Variants in ETS1 observed in about 807,000 individuals in gnomAD.
ETS1 encodes the protein ETS proto-oncogene 1, transcription factor.
Under a neutral mutation model 58.6 loss-of-function variants are expected in ETS1, and 15 were observed. That is an observed-to-expected ratio of 0.26 (90% confidence interval 0.17 to 0.39). The LOEUF is 0.39. Ranked by LOEUF, ETS1 falls within the 10% of genes least tolerant of loss-of-function variation. The probability of loss-of-function intolerance (pLI) is 1.00; values close to 1 mark genes in which losing one functional copy is unlikely to be tolerated. For synonymous variants in ETS1, 214 were observed against 218.2 expected, an observed-to-expected ratio of 0.98 and a Z score of 0.17; for missense variants, 417 against 610.5, an observed-to-expected ratio of 0.68 and a Z score of 3.34.
At chr11:128,531,463 G>A (rs73030729) in intron 3 of ETS1, among the ~76,000 whole-genome samples, 43,870 of 152,066 alleles carry the variant, frequency 0.29, 7,159 homozygotes, top group Middle Eastern at 0.43. Flanking sequence ...CCAAACTGTA[G>A]TATATAGTAT....
At position 128,509,893 on chromosome 11, in the gene ETS1, AG is replaced by A. The variant is rs369586588; in HGVS notation, c.215-19318del. On this transcript the variant is annotated intron_variant, in intron 3 of 9. Coordinates refer to ENST00000392668, the MANE Select transcript of ETS1 (RefSeq NM_001143820.2). ...ATGGGAATTAAGGCATCAACCTCAA[AG>A]GGTTGTTTAAAGAATGTGATTATGT... 5.7e-3 allele frequency among the ~76,000 whole-genome samples: 872 copies of A among 152,316 alleles called. 4 individuals are homozygous for A. The highest frequency in any genetic ancestry group is 0.016 in the African/African-American group (685 of 41,562).
intron 3 of ETS1, among the ~76,000 whole-genome samples, chr11:128,550,655 C>T (rs1208136470): frequency 1.3e-5 from 2 of 152,156 alleles, no homozygotes; most frequent in African/African-American, 4.8e-5. Context: ...CAGCTAGGCC[C>T]CAACCTCGGC....
chr11:128,484,832 T>C lies in ETS1; in HGVS notation c.853A>G (p.Thr285Ala). 1 of 1,613,844 alleles carries C rather than the reference T, an allele frequency of 6.2e-7. No homozygotes were observed. The highest frequency in any genetic ancestry group is 8.5e-7 in the Non-Finnish European group (1 of 1,179,778). ...AAGAAATATGACCTACCACGACTGG[T>C]CCTCCCCATGCACATGTTGTCTGGG... is the stretch of plus-strand genomic sequence containing the variant. The part of the protein sequence containing the change: ...VTPDNMCMGR[T>A]SRGKLGGQDS... The change falls in exon 7 of 10, where the codon ACC (threonine) becomes GCC (alanine). Residue 285 changes from threonine to alanine, a missense_variant. Physicochemically the swap from Thr to Ala is moderately conservative, Grantham distance 58. Around this residue, in one of 4 missense-constraint regions of ETS1, gnomAD observed 139 missense variants for 152.1 expected, o/e 0.91. Transcript: ENST00000392668.
At chr11:128,523,979 A>G (rs1458494271) in intron 3 of ETS1, among the ~76,000 whole-genome samples, 2 of 152,174 alleles carry the variant, frequency 1.3e-5, no homozygotes, top group African/African-American at 2.4e-5. Context: ...TCAGGAGAAG[A>G]AGTGAACAAA....
chr11:128,480,122 G>A, intron 8 of ETS1, 69 bp downstream of exon 8: 1 of 1,582,370 alleles, frequency 6.3e-7, no homozygotes. Flanking sequence ...GAGGTGCAGA[G>A]TGCCTTCCAG....
intron 8 of ETS1, among the ~76,000 whole-genome samples, chr11:128,473,957 C>T (rs1862255399): frequency 1.3e-5 from 2 of 152,328 alleles, no homozygotes; most frequent in South Asian, 2.1e-4. Context: ...CTGCATTCTG[C>T]TCAGTGGAAA....
intron 1 of ETS1, among the ~76,000 whole-genome samples, chr11:128,576,762 T>C (rs1203439500): frequency 6.6e-6 from 1 of 151,870 alleles, no homozygotes; most frequent in Non-Finnish European, 1.5e-5. Context: ...CTCTGTTGTT[T>C]TCTTAGGCAC....
intron 3 of ETS1, among the ~76,000 whole-genome samples, chr11:128,542,407 G>A (rs1864070320): frequency 6.6e-6 from 1 of 152,134 alleles, no homozygotes; most frequent in Non-Finnish European, 1.5e-5. Flanking sequence ...GACTTTAGAA[G>A]ATTATTGGAT....
At chr11:128,577,732 C>T (rs764130299) in intron 1 of ETS1, among the ~76,000 whole-genome samples, 1 of 152,154 alleles carries the variant, frequency 6.6e-6, no homozygotes, top group East Asian at 1.9e-4. Context: ...TGTTACCCAG[C>T]GTCCAAATCA....
rs535815822 is a variant in ETS1 at position 128,460,063 on chromosome 11, T to C, written c.*2298A>G. The C allele has an allele frequency of 3.7e-5, 5 of 136,578 alleles. No individual in the cohort carries two copies. The South Asian group carries it at 1.3e-3, about 34-fold the overall frequency. 8.5% of individuals were successfully genotyped at this position (136,578 alleles called of 1,614,324 possible). ...GTATTATTTCAGCTGCAGTTTTGCA[T>C]GTCTGCAAACACACACACACACACA... On this transcript the variant is annotated 3_prime_UTR_variant, in exon 10 of 10. Transcript: ENST00000392668.
chr11:128,577,016 C>T (rs976037891), intron 1 of ETS1, among the ~76,000 whole-genome samples: 1 of 152,192 alleles, frequency 6.6e-6, no homozygotes, highest in Non-Finnish European at 1.5e-5. Flanking sequence ...CCATCTGCTT[C>T]TGTTTGTCTC....
chr11:128,500,773 C>T (rs73030703), intron 3 of ETS1, among the ~76,000 whole-genome samples: 211 of 152,286 alleles, frequency 1.4e-3, no homozygotes, highest in Non-Finnish European at 2.7e-3. Context: ...TGAAGCAACA[C>T]AGTATGCGTG....
intron 8 of ETS1, among the ~76,000 whole-genome samples, chr11:128,478,006 A>G (rs976051260): frequency 6.6e-6 from 1 of 152,210 alleles, no homozygotes; most frequent in African/African-American, 2.4e-5. Flanking sequence ...ACAGTGTGTT[A>G]GAGTTGGGAG....
At chr11:128,545,464 A>T (rs11221343) in intron 3 of ETS1, among the ~76,000 whole-genome samples, 1 of 152,182 alleles carries the variant, frequency 6.6e-6, no homozygotes, top group Non-Finnish European at 1.5e-5. Context: ...TTCTTTGGGG[A>T]GGTAAGTTGA....
intron 2 of ETS1, among the ~76,000 whole-genome samples, chr11:128,567,729 T>C (rs768969983): frequency 6.6e-6 from 1 of 152,068 alleles, no homozygotes; most frequent in Non-Finnish European, 1.5e-5. Flanking sequence ...GCCTCCTGGG[T>C]TCAAGCGATT....
chr11:128,487,467 G>T (rs551407454), intron 5 of ETS1, among the ~76,000 whole-genome samples: 1 of 152,148 alleles, frequency 6.6e-6, no homozygotes, highest in African/African-American at 2.4e-5. Context: ...GAGGGCAGGC[G>T]CGGTGGCTCA....
intron 2 of ETS1, among the ~76,000 whole-genome samples, chr11:128,559,965 A>G (rs1248581135): frequency 3.3e-5 from 5 of 152,226 alleles, no homozygotes; most frequent in African/African-American, 1.2e-4. Flanking sequence ...ACAAGATGCA[A>G]GCAACACTCC....
intron 1 of ETS1, among the ~76,000 whole-genome samples, chr11:128,585,060 G>A (rs1367259247): frequency 4.7e-5 from 1 of 21,148 alleles, no homozygotes; most frequent in Admixed American, 4.9e-4. Flanking sequence ...AAGAAAGAAA[G>A]AAAGAAAGAA....
intron 3 of ETS1, 109 bp downstream of exon 3, chr11:128,556,182 T>C (rs2135557468): frequency 2.1e-6 from 2 of 954,174 alleles, no homozygotes; most frequent in Non-Finnish European, 3.1e-6. Flanking sequence ...CAATAGCATC[T>C]GTACCCGCAT....
Sources: allele counts gnomAD v4.1 joint callset (sites outside exome capture counted in the v4.1 genomes callset), GRCh38; gene constraint gnomAD v4.1.1; regional missense constraint gnomAD v4.1.1; transcripts MANE v1.5; gene names NCBI Gene and HGNC (gene_info 2026-07-23, HGNC 2026-07-21).